The following UGGT2 variants were observed in gnomAD, a reference collection of about 807,000 sequenced individuals.
The protein encoded by UGGT2 is UDP-glucose glycoprotein glucosyltransferase 2, also known as UDP-glucose:glycoprotein glucosyltransferase 2.
UGGT2 carries 180 observed loss-of-function variants against 192.1 expected under a neutral mutation model. The observed-to-expected ratio is 0.94, with a 90% CI of 0.83 to 1.06. The LOEUF (loss-of-function observed/expected upper bound fraction) is 1.06. UGGT2 is among the 50% of genes least tolerant of loss of function. The probability of loss-of-function intolerance (pLI) is 0.00; values close to 1 mark genes in which losing one functional copy is unlikely to be tolerated. For synonymous variants in UGGT2, 580 were observed against 591.0 expected (o/e 0.98, Z 0.27); for missense variants, 1,849 against 1,795.7 (o/e 1.03, Z -0.54).
chr13:95,910,060 G>A (rs900448161), intron 20 of UGGT2, among the ~76,000 whole-genome samples: 6 of 151,960 alleles, frequency 3.9e-5, no homozygotes, highest in African/African-American at 1.5e-4. Context: ...CTGTCACCAC[G>A]AGGCCTGCCT....
chr13:96,029,327 C>T (rs2052760699), intron 2 of UGGT2, among the ~76,000 whole-genome samples: 1 of 152,006 alleles, frequency 6.6e-6, no homozygotes, highest in East Asian at 1.9e-4. Flanking sequence ...CACTCTGTTG[C>T]CCAGACTGCA....
intron 29 of UGGT2, chr13:95,877,063 T>C (rs1055883326): frequency 1.0e-5 from 4 of 392,620 alleles, no homozygotes; most frequent in Non-Finnish European, 1.4e-5. Flanking sequence ...TTTGTATTTT[T>C]AGTACAGATG....
rs2049481472 is a variant in UGGT2, at chr13:95,936,852, T to C, written c.1977+72A>G. Reference sequence around the variant, plus strand: ...TTTTTTACCAAATCAACTTCTGTCATTAAAATAAGTTTTTAATAAAAACAT... The same window carrying C: ...TTTTTTACCAAATCAACTTCTGTCACTAAAATAAGTTTTTAATAAAAACAT... On this transcript the variant is annotated intron_variant, in intron 17 of 38. Transcript: ENST00000376747. The C allele has an allele frequency of 2.3e-6, 3 of 1,307,390 alleles. No individual in the cohort carries two copies. In the East Asian group the frequency reaches 8.2e-5, roughly 36 times the overall value. The allele number at this position is 1,307,390 out of a possible 1,614,324, so 81.0% of individuals were successfully genotyped here.
intron 33 of UGGT2, chr13:95,856,798 T>C (rs1053944230): frequency 3.9e-6 from 1 of 257,098 alleles, no homozygotes; most frequent in African/African-American, 2.3e-5. Context: ...ATAAATTAGA[T>C]TCTATACAGG....
In UGGT2 at chr13:95,833,054, C is replaced by A. The variant is rs1480343903; in HGVS notation, c.4402-1G>T. 2 of 1,611,030 alleles carry A rather than the reference C, an allele frequency of 1.2e-6. No homozygotes were observed. Among genetic ancestry groups the A allele is most frequent in the Non-Finnish European group, 1.7e-6 (2 of 1,178,168 alleles). On this transcript the variant is annotated splice_acceptor_variant, in intron 37 of 38. Coordinates refer to ENST00000376747, the MANE Select transcript of UGGT2 (RefSeq NM_020121.4). LOFTEE classifies it high-confidence loss of function. ...ATTCTTTTGTTTTGGGATTATTGCA[C>A]TAAAAGTTTAAGTAAATTTTGTTAA...
At chr13:95,938,830 A>G (rs1164145313) in intron 16 of UGGT2, among the ~76,000 whole-genome samples, 1 of 152,020 alleles carries the variant, frequency 6.6e-6, no homozygotes, top group Admixed American at 6.6e-5. Context: ...AATAATTCAA[A>G]TATGTCCATT....
Position 95,890,966 on chromosome 13 carries a change from TAAGAA to T in UGGT2, c.2856-7_2856-3del. 1.9e-6 allele frequency: 3 copies of T among 1,592,046 alleles called. No homozygotes were observed. The highest frequency in any genetic ancestry group is 2.6e-6 in the Non-Finnish European group (3 of 1,163,772). ...TCTTGAGGATTCGTCTTTATAACAC[TAAGAA>T]AATAGAAAATAAGATGAAAGATGAC... is the stretch of plus-strand genomic sequence containing the variant. On this transcript the variant is annotated splice_region_variant and splice_polypyrimidine_tract_variant and intron_variant, in intron 24 of 38. Transcript: ENST00000376747.
rs750891962 is a variant in UGGT2 at position 95,925,678 on chromosome 13, A to C, written c.2295+2T>G. 6 of 1,529,714 alleles carry C rather than the reference A, an allele frequency of 3.9e-6. No individual in the cohort carries two copies. Among genetic ancestry groups the C allele is most frequent in the Non-Finnish European group, 4.4e-6 (5 of 1,133,116 alleles). 94.8% of individuals were successfully genotyped at this position (1,529,714 alleles called of 1,614,324 possible). ...TGTTAGTAAGAATATCTAGGTACTC[A>C]CCATGTGCTTTAATGCATTAAAAAG... On this transcript the variant is annotated splice_donor_variant, in intron 20 of 38. Transcript: ENST00000376747. LOFTEE classifies it high-confidence loss of function.
chr13:95,903,150 T>C, intron 20 of UGGT2, 90 bp from the exon 21 acceptor site: 1 of 1,260,892 alleles, frequency 7.9e-7, no homozygotes, highest in East Asian at 2.4e-5. Context: ...GTTTGTTCAC[T>C]GTATCATGCA....
At chr13:95,928,113 T>C (rs1351645035) in intron 17 of UGGT2, among the ~76,000 whole-genome samples, 1 of 152,210 alleles carries the variant, frequency 6.6e-6, no homozygotes, top group South Asian at 2.1e-4. Context: ...TTTCCCCACA[T>C]TTCCCCCTTT....
chr13:95,891,033 G>T (rs779875281), intron 24 of UGGT2, 69 bp from the exon 25 acceptor site: 48 of 1,114,340 alleles, frequency 4.3e-5, no homozygotes, highest in South Asian at 1.6e-4. Flanking sequence ...CATGATCTTA[G>T]CTATATAATT....
intron 17 of UGGT2, among the ~76,000 whole-genome samples, chr13:95,930,555 T>C (rs1312806517): frequency 6.6e-6 from 1 of 152,194 alleles, no homozygotes; most frequent in East Asian, 1.9e-4. Flanking sequence ...TTTTCAAAGC[T>C]AAAATGTTTG....
At position 95,970,050 on chromosome 13, in the gene UGGT2, A is replaced by C. The variant is rs1482429852; in HGVS notation, c.1335+62T>G. 3 of 1,498,734 alleles carry C rather than the reference A, an allele frequency of 2.0e-6. No homozygotes were observed. In the Admixed American group the frequency reaches 6.3e-5, roughly 31 times the overall value. 92.8% of individuals were successfully genotyped at this position (1,498,734 alleles called of 1,614,324 possible). ...TTATCATCAGGCCTGCCGATACTTC[A>C]TTTTATGTTAAGCCTTAAGTATACT... On this transcript the variant is annotated intron_variant, in intron 12 of 38. Transcript: ENST00000376747.
intron 38 of UGGT2, among the ~76,000 whole-genome samples, chr13:95,814,332 C>T (rs1438342860): frequency 2.6e-5 from 4 of 152,192 alleles, no homozygotes; most frequent in Non-Finnish European, 5.9e-5. Flanking sequence ...TGGAACTGCT[C>T]AAGGCTTTGG....
In UGGT2 at chr13:96,039,750, A is replaced by G. The variant is rs547308162; in HGVS notation, c.159-7779T>C. On this transcript the variant is annotated intron_variant, in intron 1 of 38. Transcript: ENST00000376747. The stretch of plus-strand genomic sequence containing the variant: ...ATCTTTTCAGCTCATATCCAAGTTC[A>G]CCAGTTTCAAGATGTTTTCCACAAA... Among the ~76,000 whole-genome samples, 59 of 152,324 alleles carry G rather than the reference A, an allele frequency of 3.9e-4. 1 individual carries two copies. The highest frequency in any genetic ancestry group is 1.5e-3 in the Admixed American group (23 of 15,302).
intron 27 of UGGT2, among the ~76,000 whole-genome samples, chr13:95,879,982 GC>G (rs1284812477): frequency 2.0e-5 from 3 of 152,046 alleles, no homozygotes; most frequent in African/African-American, 7.2e-5. Context: ...GTGGTGGTTT[GC>G]TGTACCCATC....
intron 1 of UGGT2, among the ~76,000 whole-genome samples, chr13:96,038,379 G>C (rs1244333522): frequency 6.6e-6 from 1 of 152,104 alleles, no homozygotes; most frequent in Non-Finnish European, 1.5e-5. Flanking sequence ...GAGAATAATA[G>C]AAAGTTATTA....
At chr13:96,037,095 A>G (rs750812230) in intron 1 of UGGT2, among the ~76,000 whole-genome samples, 1 of 152,232 alleles carries the variant, frequency 6.6e-6, no homozygotes, top group Non-Finnish European at 1.5e-5. Context: ...GACAGTAATT[A>G]TAAGTGGAAT....
chr13:95,964,856 G>T (rs1194336956), intron 12 of UGGT2, among the ~76,000 whole-genome samples: 4 of 151,226 alleles, frequency 2.6e-5, no homozygotes, highest in South Asian at 2.1e-4. Flanking sequence ...CTGACAAAGG[G>T]CTAATATCCA....
Sources: gnomAD v4.1 joint callset for allele counts (sites outside exome capture counted in the v4.1 genomes callset) on GRCh38, gnomAD v4.1.1 for gene constraint, MANE v1.5 for transcripts, NCBI Gene and HGNC (gene_info 2026-07-23, HGNC 2026-07-21) for gene names.